The following COL2A1 variants were observed in gnomAD, a reference collection of about 807,000 sequenced individuals.
The protein encoded by COL2A1 is collagen alpha-1(II) chain.
In COL2A1, 28 loss-of-function variants were observed where a neutral mutation model predicts 204.5. The ratio of observed to expected loss-of-function variants is 0.14; its 90% CI spans 0.10 to 0.19. The LOEUF (loss-of-function observed/expected upper bound fraction) is 0.19, where lower values mean the gene tolerates loss of function less well. COL2A1 is among the 10% of genes least tolerant of loss of function. The pLI, the probability that COL2A1 is intolerant of heterozygous loss-of-function variation, is 1.00. For missense variants in COL2A1, 1,388 were observed against 2,027.5 expected (o/e 0.68, Z 6.06); for synonymous variants, 708 against 718.7 (o/e 0.99, Z 0.24).
chr12:47,999,729 A>T (rs2136635909), intron 2 of COL2A1, 190 bp downstream of exon 2: 1 of 562,846 alleles, frequency 1.8e-6, no homozygotes, highest in Non-Finnish European at 3.1e-6. Context: ...GGACCCCTCT[A>T]GTGTCTCAGG....
intron 12 of COL2A1, 37 bp from the exon 13 acceptor site, chr12:47,994,084 A>T (rs780324758): frequency 3.1e-6 from 5 of 1,613,062 alleles, no homozygotes; most frequent in Non-Finnish European, 3.4e-6. Flanking sequence ...AGCACAGAGT[A>T]AAATAACAGT....
Position 47,998,200 on chromosome 12 carries a change from C to T in COL2A1, c.311G>A (p.Gly104Glu), listed in dbSNP as rs1015202999. The change falls in exon 4 of 54, where the codon GGA becomes GAA. Residue 104 changes from glycine to glutamate, a missense_variant and splice_region_variant. Gly to Glu is a moderately conservative substitution (Grantham distance 98). This residue lies in a region of COL2A1 where 201 missense variants were observed against 242.4 expected (regional missense o/e 0.83). Transcript: ENST00000380518. ...ATASGQPGPK[G>E]QKGEPGDIKD... ...GATGTCTCCAGGTTCTCCTTTCTGTCCCTGAAACATGAAACATTCACAGGA... is the reference window on the plus strand; with the variant it reads ...GATGTCTCCAGGTTCTCCTTTCTGTTCCTGAAACATGAAACATTCACAGGA... 1.2e-6 allele frequency: 2 copies of T among 1,613,988 alleles called. No homozygotes were observed. Among genetic ancestry groups the T allele is most frequent in the African/African-American group, 2.7e-5 (2 of 74,900 alleles).
Position 47,978,508 on chromosome 12 carries a change from G to A in COL2A1, c.2895+89C>T, listed in dbSNP as rs1266142063. The A allele has an allele frequency of 1.9e-6, 3 of 1,583,194 alleles. No individual in the cohort carries two copies. Among genetic ancestry groups the A allele is most frequent in the Non-Finnish European group, 2.6e-6 (3 of 1,160,292 alleles). On this transcript the variant is annotated intron_variant, in intron 42 of 53. Transcript: ENST00000380518. This position sits in a 1 kb window ranked among gnomAD's most constrained non-coding sequence, Gnocchi z 5.5. ...GCTCCCTGGCATCCCCACGGCCCCT[G>A]CTCCCTCCTACCCCATGCTCTGTGA...
chr12:47,996,125 G>A (rs1939948999), intron 8 of COL2A1, among the ~76,000 whole-genome samples: 1 of 152,252 alleles, frequency 6.6e-6, no homozygotes, highest in Middle Eastern at 3.4e-3. Context: ...CAGAAAAGCT[G>A]GCCTTGCTTT....
chr12:47,984,537 G>A lies in COL2A1; in HGVS notation c.1887+9C>T, dbSNP rs769014097. 4 of 1,613,996 alleles carry A rather than the reference G, an allele frequency of 2.5e-6. No individual in the cohort carries two copies. The highest frequency in any genetic ancestry group is 1.7e-5 in the Admixed American group (1 of 60,028). ...CACCAAGTCATGGGCAGCGGGGAAGGATACTTACCCTCAGACCAGGAGCAC... is the reference window on the plus strand; with the variant it reads ...CACCAAGTCATGGGCAGCGGGGAAGAATACTTACCCTCAGACCAGGAGCAC... On this transcript the variant is annotated intron_variant, in intron 28 of 53. Coordinates refer to ENST00000380518, the MANE Select transcript of COL2A1 (RefSeq NM_001844.5).
intron 2 of COL2A1, 183 bp downstream of exon 2, chr12:47,999,736 C>T: frequency 3.4e-6 from 2 of 585,302 alleles, no homozygotes; most frequent in Non-Finnish European, 6.0e-6. Flanking sequence ...TCTAGTGTCT[C>T]AGGCTCGTTC....
rs1049536561 is a variant in COL2A1 at position 47,995,906 on chromosome 12, G to A, written c.623C>T (p.Pro208Leu). ...VMQGPMGPMG[P>L]RGPPGPAGAP... is the part of the protein sequence containing the mutation. The stretch of plus-strand genomic sequence containing the variant: ...ACCTGCAGGGCCTGGAGGTCCTCGA[G>A]GTCCCATGGGGCCCTGCATCGGAAC... The change falls in exon 9 of 54, where the codon CCT (proline) becomes CTT (leucine). Residue 208 changes from proline (P) to leucine (L), a missense_variant. Pro to Leu is a moderately conservative substitution (Grantham distance 98, BLOSUM62 -3). This residue lies in a region of COL2A1 where 884 missense variants were observed against 1,415.8 expected (regional missense o/e 0.62). Transcript: ENST00000380518. 1 of 1,613,672 alleles carries A rather than the reference G, an allele frequency of 6.2e-7. No homozygotes were observed. The highest frequency in any genetic ancestry group is 8.5e-7 in the Non-Finnish European group (1 of 1,179,580).
chr12:47,993,340 C>A, intron 15 of COL2A1, 118 bp downstream of exon 15: 1 of 873,338 alleles, frequency 1.1e-6, no homozygotes, highest in Non-Finnish European at 1.9e-6. Context: ...GCTTTTTGCT[C>A]ACAATCAGAT....
chr12:48,003,614 G>C (rs974023016), intron 1 of COL2A1, among the ~76,000 whole-genome samples: 2 of 152,122 alleles, frequency 1.3e-5, no homozygotes, highest in African/African-American at 2.4e-5. Context: ...CAGCTGGGAG[G>C]GGGAGGGTAC....
intron 1 of COL2A1, among the ~76,000 whole-genome samples, chr12:48,001,844 T>A (rs1427631202): frequency 3.9e-5 from 6 of 152,190 alleles, no homozygotes; most frequent in Admixed American, 1.3e-4. Flanking sequence ...CGGCTGCCGA[T>A]AGCATCCCGG....
chr12:47,987,555 G>C lies in COL2A1; in HGVS notation c.1221+56C>G. On this transcript the variant is annotated intron_variant, in intron 19 of 53. Coordinates refer to ENST00000380518, the MANE Select transcript of COL2A1 (RefSeq NM_001844.5). The surrounding 1 kb of genome is among the most constrained non-coding windows in gnomAD (Gnocchi z 4.1). ...CTGTCAGAGCAAAGTACAGAGTCAA[G>C]AGTTCCAAAGCCACAGACCCCAGAC... The C allele has an allele frequency of 6.9e-7, 1 of 1,457,434 alleles. No homozygotes were observed. The highest frequency in any genetic ancestry group is 9.5e-7 in the Non-Finnish European group (1 of 1,053,206). The allele number at this position is 1,457,434 out of a possible 1,614,324, so 90.3% of individuals were successfully genotyped here.
At chr12:47,989,675 C>A (rs1939608040) in intron 17 of COL2A1, 86 bp downstream of exon 17, 2 of 1,187,458 alleles carry the variant, frequency 1.7e-6, no homozygotes, top group Admixed American at 3.4e-5. Flanking sequence ...GTGGTTGCAC[C>A]CAATACACCC....
upstream of COL2A1, chr12:48,004,668 C>T: frequency 5.0e-6 from 1 of 199,778 alleles, no homozygotes; most frequent in Non-Finnish European, 1.0e-5. Flanking sequence ...AGTCACGCTT[C>T]CCGCCCTCCA....
At chr12:47,989,665 G>A (rs935744702) in intron 17 of COL2A1, 96 bp downstream of exon 17, 2 of 1,025,048 alleles carry the variant, frequency 2.0e-6, no homozygotes, top group South Asian at 1.3e-5. Flanking sequence ...GAGTGCTGCT[G>A]TGGTTGCACC....
Position 47,983,680 on chromosome 12 carries a change from T to A in COL2A1, c.1995+3A>T, listed in dbSNP as rs754799099. The A allele has an allele frequency of 2.5e-6, 4 of 1,598,042 alleles. No homozygotes were observed. The African/African-American group carries it at 5.4e-5, about 21-fold the overall frequency. On this transcript the variant is annotated splice_donor_region_variant and intron_variant, in intron 30 of 53. Transcript: ENST00000380518. ...GCACAGAGAGCCTGGTCCAGCCACC[T>A]ACCTGGAACCCAGATGGCCCAGGAG...
intron 16 of COL2A1, among the ~76,000 whole-genome samples, chr12:47,991,642 C>G (rs1288849543): frequency 1.3e-5 from 2 of 152,172 alleles, no homozygotes; most frequent in Non-Finnish European, 2.9e-5. Context: ...AGCCTAACTA[C>G]CGTGCGGACA....
rs886402689 is a variant in COL2A1, at chr12:47,985,446, T to C, written c.1734+88A>G. On this transcript the variant is annotated intron_variant, in intron 26 of 53. Transcript: ENST00000380518. ...CTCAAAATTCACAGTACTTCAGGCC[T>C]CCCTAACCCAAACTCCATCTCTCTT... 1.7e-5 allele frequency: 23 copies of C among 1,386,022 alleles called. No individual in the cohort carries two copies. The African/African-American group carries it at 3.0e-4, about 18-fold the overall frequency. The allele number at this position is 1,386,022 out of a possible 1,614,324, so 85.9% of individuals were successfully genotyped here. A position where few individuals can be genotyped will look rare whatever the true frequency, so the allele number is the denominator to read the frequency against.
intron 2 of COL2A1, chr12:47,999,634 A>ATTTTTTTTTTTTTTTTTTTTTT (rs10708850): frequency 6.5e-6 from 1 of 154,296 alleles, no homozygotes. Context: ...TTCAGAGAGG[A>ATTTTTTTTTTTTTTTTTTTTTT]TTTTTTTTTT....
rs779640697 is a variant in COL2A1, at chr12:47,982,576, G to T, written c.2227C>A (p.Gln743Lys). Residue 743 changes from glutamine (Q) to lysine (K), a missense_variant, in exon 34 of 54, where the codon CAG becomes AAG. Physicochemically the swap from Gln to Lys is moderately conservative, Grantham distance 53. Coordinates refer to ENST00000380518, the MANE Select transcript of COL2A1 (RefSeq NM_001844.5). ...ATTCCCTGAAGACCTGGAGGGCCCT[G>T]AGCCCCAGGGGGGCCTGCTGGGCCA... The part of the protein sequence containing the change: ...ASGPAGPPGA[Q>K]GPPGLQGMPG... The T allele has an allele frequency of 1.9e-6, 3 of 1,613,664 alleles. No homozygotes were observed. Among genetic ancestry groups the T allele is most frequent in the Non-Finnish European group, 2.5e-6 (3 of 1,179,928 alleles).
Sources: allele counts gnomAD v4.1 joint callset (sites outside exome capture counted in the v4.1 genomes callset), GRCh38; gene constraint gnomAD v4.1.1; regional missense constraint gnomAD v4.1.1; non-coding constraint Gnocchi (gnomAD v3.1); transcripts MANE v1.5; gene names NCBI Gene and HGNC (gene_info 2026-07-23, HGNC 2026-07-21).